The following DELE1 variants were observed in gnomAD, a reference collection of about 807,000 sequenced individuals.
DELE1 encodes DAP3 binding cell death enhancer 1.
In DELE1, 54 loss-of-function variants were observed where a neutral mutation model predicts 59.3. The observed-to-expected ratio is 0.91, with a 90% CI of 0.73 to 1.14. The LOEUF is 1.14. Ranked by LOEUF, DELE1 falls within the 50% of genes most tolerant of loss-of-function variation. The pLI, the probability that DELE1 is intolerant of heterozygous loss-of-function variation, is 0.00. For missense variants in DELE1, 636 were observed against 643.9 expected (o/e 0.99, Z 0.13); for synonymous variants, 264 against 259.1 (o/e 1.02, Z -0.18).
At chr5:141,929,940 G>A (rs1751764021) in intron 5 of DELE1, 49 bp from the exon 6 acceptor site, 2 of 1,575,888 alleles carry the variant, frequency 1.3e-6, no homozygotes, top group Non-Finnish European at 8.7e-7. Context: ...GAGAAAAGAA[G>A]TACAACTTTC....
At chr5:141,938,441 C>T (rs532436213) in intron 11 of DELE1, 80 bp from the exon 12 acceptor site, 1 of 1,545,116 alleles carries the variant, frequency 6.5e-7, no homozygotes, top group East Asian at 2.3e-5. Context: ...GGAACCAAGC[C>T]CTTGAAGAAG....
chr5:141,934,779 A>G (rs1314786223), intron 10 of DELE1, 193 bp downstream of exon 10: 1 of 597,194 alleles, frequency 1.7e-6, no homozygotes, highest in Non-Finnish European at 3.0e-6. Flanking sequence ...GCTGGCTTGC[A>G]CCAGGCTGTG....
At chr5:141,936,952 G>A in intron 10 of DELE1, 1 of 1,301,364 alleles carries the variant, frequency 7.7e-7, no homozygotes, top group Non-Finnish European at 9.8e-7. Context: ...TGCAAGAGAA[G>A]CCTCCACACT....
chr5:141,931,541 G>GTTA (rs1751911803), intron 7 of DELE1, among the ~76,000 whole-genome samples: 1 of 152,168 alleles, frequency 6.6e-6, no homozygotes, highest in Non-Finnish European at 1.5e-5. Context: ...GGAAAAAGGA[G>GTTA]ACGAGGCAGG....
chr5:141,937,128 T>A, intron 10 of DELE1, 70 bp from the exon 11 acceptor site: 1 of 1,593,278 alleles, frequency 6.3e-7, no homozygotes, highest in South Asian at 1.1e-5. Context: ...TTCATCTTCC[T>A]CCTCCCTTAG....
intron 3 of DELE1, 48 bp downstream of exon 3, chr5:141,925,575 G>T (rs376183603): frequency 1.7e-5 from 21 of 1,243,336 alleles, no homozygotes; most frequent in Admixed American, 4.4e-5. Context: ...AGATGAGAAT[G>T]ATCCTTCATG....
Position 141,938,951 on chromosome 5 carries a change from C to T in DELE1, c.*192C>T. On this transcript the variant is annotated 3_prime_UTR_variant, in exon 12 of 12. Coordinates refer to ENST00000432126, the MANE Select transcript of DELE1 (RefSeq NM_014773.5). ...CCGCTTGGTAGCCTCACAGATGAGT[C>T]TTGGATGCATTCACAGTCATTTCTG... 1 of 1,416,984 alleles carries T rather than the reference C, an allele frequency of 7.1e-7. No individual in the cohort carries two copies. The highest frequency in any genetic ancestry group is 9.2e-7 in the Non-Finnish European group (1 of 1,089,166). 87.8% of individuals were successfully genotyped at this position (1,416,984 alleles called of 1,614,324 possible).
chr5:141,936,674 C>A (rs904181392), intron 10 of DELE1, among the ~76,000 whole-genome samples: 1 of 152,202 alleles, frequency 6.6e-6, no homozygotes, highest in African/African-American at 2.4e-5. Context: ...ACCTCGTGAT[C>A]TGCCCACCTT....
rs1181933621 is a variant in DELE1, at chr5:141,940,408, T to A, written c.*1649T>A. The A allele has an allele frequency of 1.0e-6, 1 of 971,654 alleles. No individual in the cohort carries two copies. Among genetic ancestry groups the A allele is most frequent in the Non-Finnish European group, 1.2e-6 (1 of 827,896 alleles). The allele number at this position is 971,654 out of a possible 1,614,324, so 60.2% of individuals were successfully genotyped here. On this transcript the variant is annotated 3_prime_UTR_variant, in exon 12 of 12. Coordinates refer to ENST00000432126, the MANE Select transcript of DELE1 (RefSeq NM_014773.5). Reference sequence around the variant, plus strand: ...TGAATAGCATAGATGTGGTTGAGAGTGGGGTCTGGGAGGGATAGAGAGCCC... The same window carrying A: ...TGAATAGCATAGATGTGGTTGAGAGAGGGGTCTGGGAGGGATAGAGAGCCC...
In DELE1 at chr5:141,924,753, T is replaced by A. The variant is rs10058907; in HGVS notation, c.146+58T>A. ...CCCCTAGTCACCCTTTTTTTTTATT[T>A]TTTTTTTTTTGTTGTTTTTTGAGAT... On this transcript the variant is annotated intron_variant, in intron 2 of 11. Coordinates refer to ENST00000432126, the MANE Select transcript of DELE1 (RefSeq NM_014773.5). 97 of 1,161,024 alleles carry A rather than the reference T, an allele frequency of 8.4e-5. 1 individual carries two copies. The South Asian group carries it at 1.2e-3, about 15-fold the overall frequency. 71.9% of individuals were successfully genotyped at this position (1,161,024 alleles called of 1,614,324 possible).
At chr5:141,924,097 A>G (rs1302020335) in intron 1 of DELE1, 125 bp downstream of exon 1, 5 of 1,295,214 alleles carry the variant, frequency 3.9e-6, no homozygotes, top group Non-Finnish European at 5.5e-6. Context: ...GCGGGGCTTG[A>G]AAGAGGGCGG....
chr5:141,925,296 C>T (rs558621365), intron 2 of DELE1, 114 bp from the exon 3 acceptor site: 61 of 570,168 alleles, frequency 1.1e-4, no homozygotes, highest in African/African-American at 8.2e-4. Context: ...CTCCTGACCT[C>T]GTGATCCACC....
In DELE1 at chr5:141,934,331, C is replaced by T. The variant is rs145083148; in HGVS notation, c.989C>T (p.Ser330Leu). 1.3e-4 allele frequency: 203 copies of T among 1,614,082 alleles called. No individual in the cohort carries two copies. Among genetic ancestry groups the T allele is most frequent in the Middle Eastern group, 1.6e-4 (1 of 6,078 alleles). ...TGCCTACTACGAGACCCAGCCTCTT[C>T]GTGGAACCCTGAGCGGCAGAGGGCA... ...ARCLLRDPAS[S>L]WNPERQRAVS... Residue 330 changes from serine to leucine, a missense_variant, in exon 9 of 12, where the codon TCG (serine) becomes TTG (leucine). Ser to Leu is a moderately radical substitution (Grantham distance 145, BLOSUM62 -2). Coordinates refer to ENST00000432126, the MANE Select transcript of DELE1 (RefSeq NM_014773.5).
chr5:141,928,970 C>T (rs1751653181), intron 4 of DELE1, among the ~76,000 whole-genome samples: 2 of 149,474 alleles, frequency 1.3e-5, no homozygotes, highest in South Asian at 4.2e-4. Context: ...ATATTGCTAT[C>T]AAAGAAAGTG....
chr5:141,924,911 C>T, intron 2 of DELE1, among the ~76,000 whole-genome samples: 1 of 151,442 alleles, frequency 6.6e-6, no homozygotes, highest in South Asian at 2.1e-4. Context: ...CCCGTCACCA[C>T]ACCCTGCTAA....
rs143045366 is a variant in DELE1 at position 141,934,382 on chromosome 5, A to C, written c.1040A>C (p.Asp347Ala). The C allele has an allele frequency of 4.4e-5, 71 of 1,614,072 alleles. 2 individuals are homozygous for C. Among genetic ancestry groups the C allele is most frequent in the Middle Eastern group, 3.3e-4 (2 of 6,084 alleles). The part of the protein sequence containing the change: ...RAVSLLKQAA[D>A]SGLREAQAFL... ...GTGTCCTTGCTGAAGCAGGCTGCAG[A>C]CTCAGGCTTGAGAGAGGTGAGTGCC... Residue 347 changes from aspartate to alanine, a missense_variant, in exon 9 of 12, where the codon GAC becomes GCC. Transcript: ENST00000432126.
In DELE1 at chr5:141,941,658, G is replaced by A; in HGVS notation, c.*2899G>A. On this transcript the variant is annotated 3_prime_UTR_variant, in exon 12 of 12. Coordinates refer to ENST00000432126, the MANE Select transcript of DELE1 (RefSeq NM_014773.5). The stretch of plus-strand genomic sequence containing the variant: ...GCGCCCTCACCAATGAGACCTTTGT[G>A]GGAAGCTCTACTGCCTCAGTTTCCC... 3 of 985,394 alleles carry A rather than the reference G, an allele frequency of 3.0e-6. No individual in the cohort carries two copies. Among genetic ancestry groups the A allele is most frequent in the Non-Finnish European group, 3.6e-6 (3 of 829,936 alleles). The allele number at this position is 985,394 out of a possible 1,614,324, so 61.0% of individuals were successfully genotyped here. A position where few individuals can be genotyped will look rare whatever the true frequency, so the allele number is the denominator to read the frequency against.
rs1289865693 is a variant in DELE1, at chr5:141,930,208, G to C, written c.688G>C (p.Glu230Gln). The C allele has an allele frequency of 1.1e-5, 17 of 1,613,792 alleles. No homozygotes were observed. Among genetic ancestry groups the C allele is most frequent in the Non-Finnish European group, 5.9e-6 (7 of 1,179,834 alleles). The change falls in exon 7 of 12, where the codon GAG becomes CAG. Residue 230 changes from glutamate to glutamine, a missense_variant. By Grantham distance (29) the Glu-to-Gln change is conservative. Transcript: ENST00000432126. ...AGATAAATCAAAAACTCTTTCCCTT[G>C]AGGAGGCTGTGACTTCCATTCAGCA... ...EQDKSKTLSL[E>Q]EAVTSIQQLF...
intron 2 of DELE1, among the ~76,000 whole-genome samples, 174 bp from the exon 3 acceptor site, chr5:141,925,236 T>C (rs912616669): frequency 6.6e-6 from 1 of 152,148 alleles, no homozygotes; most frequent in Non-Finnish European, 1.5e-5. Context: ...CCAATTTTTA[T>C]ATTTTTAGTA....
Sources: allele counts gnomAD v4.1 joint callset (sites outside exome capture counted in the v4.1 genomes callset), GRCh38; gene constraint gnomAD v4.1.1; transcripts MANE v1.5; gene names NCBI Gene and HGNC (gene_info 2026-07-23, HGNC 2026-07-21).